ARMH3: variants seen among roughly 807,000 people sequenced by gnomAD.
ARMH3 encodes armadillo-like helical domain-containing protein 3.
A neutral mutation model predicts 99.1 loss-of-function variants in ARMH3; 60 were observed. The observed-to-expected ratio is 0.61, with a 90% CI of 0.49 to 0.75. The LOEUF (loss-of-function observed/expected upper bound fraction) is 0.75, where lower values mean the gene tolerates loss of function less well. Ranked by LOEUF, ARMH3 falls within the 30% of genes least tolerant of loss-of-function variation. The pLI is 0.00. For missense variants in ARMH3, 679 were observed against 843.1 expected (o/e 0.81, Z 2.41); for synonymous variants, 285 against 292.8 (o/e 0.97, Z 0.27).
chr10:102,030,434 C>T (rs892846529), intron 4 of ARMH3, among the ~76,000 whole-genome samples: 8 of 152,232 alleles, frequency 5.3e-5, no homozygotes, highest in East Asian at 1.9e-4. Context: ...TGGGGCCGGA[C>T]GCAGTGGCTC....
chr10:101,956,786 G>T, intron 21 of ARMH3, 63 bp from the exon 22 acceptor site: 3 of 1,556,482 alleles, frequency 1.9e-6, no homozygotes, highest in South Asian at 1.2e-5. Context: ...ATTATCAGTG[G>T]TATGCTGTAG....
At chr10:101,974,468 A>C (rs1460063597) in intron 20 of ARMH3, among the ~76,000 whole-genome samples, 1 of 152,220 alleles carries the variant, frequency 6.6e-6, no homozygotes, top group Non-Finnish European at 1.5e-5. Flanking sequence ...CACAGGACCT[A>C]GTAGCAAGCA....
At chr10:102,038,366 T>C (rs2067329745) in intron 2 of ARMH3, among the ~76,000 whole-genome samples, 1 of 152,112 alleles carries the variant, frequency 6.6e-6, no homozygotes, top group Admixed American at 6.6e-5. Flanking sequence ...AGTGCTGAGA[T>C]TACAGGCATG....
intron 24 of ARMH3, among the ~76,000 whole-genome samples, chr10:101,875,419 T>C (rs1252308084): frequency 6.6e-6 from 1 of 152,190 alleles, no homozygotes; most frequent in Admixed American, 6.5e-5. Flanking sequence ...ATCCAAAAGG[T>C]AGACACAAAT....
Position 102,002,011 on chromosome 10 carries a change from G to A in ARMH3, c.1110C>T (p.Thr370=), listed in dbSNP as rs1458295202. The change falls in exon 15 of 26, where the codon ACC becomes ACT. Residue 370 remains threonine, a synonymous_variant. Transcript: ENST00000370033. ...ADVQTSNLLI[T]FLKYSSIVMQ... is the part of the protein sequence containing the mutation. ...TGACAATTGAGCTATACTTTAAAAA[G>A]GTTATCAGTAGATTACTGGTCTGTA... 3 of 1,613,986 alleles carry A rather than the reference G, an allele frequency of 1.9e-6. No individual in the cohort carries two copies. In the African/African-American group the frequency reaches 4.0e-5, roughly 22 times the overall value.
chr10:101,871,818 T>C (rs761127439), intron 24 of ARMH3, among the ~76,000 whole-genome samples: 3 of 152,060 alleles, frequency 2.0e-5, no homozygotes, highest in Non-Finnish European at 4.4e-5. Context: ...CTGGTCAACA[T>C]GGTGAAACCC....
intron 25 of ARMH3, 148 bp from the exon 26 acceptor site, chr10:101,847,768 C>A: frequency 1.4e-6 from 1 of 704,286 alleles, no homozygotes; most frequent in East Asian, 2.7e-5. Flanking sequence ...GCTATTATCC[C>A]TGCAGGCAAA....
At chr10:101,992,522 G>A (rs938420155) in intron 17 of ARMH3, among the ~76,000 whole-genome samples, 4 of 148,722 alleles carry the variant, frequency 2.7e-5, no homozygotes, top group Non-Finnish European at 4.4e-5. Context: ...TTGAGACGGA[G>A]TCTCGCTCTG....
At chr10:101,938,724 G>C (rs1046145400) in intron 23 of ARMH3, among the ~76,000 whole-genome samples, 1 of 152,158 alleles carries the variant, frequency 6.6e-6, no homozygotes, top group Non-Finnish European at 1.5e-5. Flanking sequence ...CGCATTTATC[G>C]TAAGGCCTCA....
chr10:102,049,342 G>A (rs2067635382), intron 1 of ARMH3, among the ~76,000 whole-genome samples: 1 of 152,100 alleles, frequency 6.6e-6, no homozygotes, highest in African/African-American at 2.4e-5. Context: ...AGGAGTTCCA[G>A]ACCAGCCTGG....
At chr10:101,886,710 A>G (rs1319685501) in intron 24 of ARMH3, among the ~76,000 whole-genome samples, 5 of 152,198 alleles carry the variant, frequency 3.3e-5, no homozygotes, top group Non-Finnish European at 4.4e-5. Flanking sequence ...ACCACCTTGA[A>G]ATGCCTCAAA....
Position 101,963,491 on chromosome 10 carries a change from G to A in ARMH3, c.1496-5759C>T, listed in dbSNP as rs376860824. On this transcript the variant is annotated intron_variant, in intron 20 of 25. Transcript: ENST00000370033. Reference sequence around the variant, plus strand: ...TCACCATGTTGGCCAGGCTGGTCTCGAACTCTTGACCTCAGGTGATCCACC... The same window carrying A: ...TCACCATGTTGGCCAGGCTGGTCTCAAACTCTTGACCTCAGGTGATCCACC... Among the ~76,000 whole-genome samples the A allele has an allele frequency of 1.8e-3, 280 of 152,132 alleles. 1 individual carries two copies. Among genetic ancestry groups the A allele is most frequent in the African/African-American group, 6.4e-3 (264 of 41,512 alleles).
At chr10:102,010,903 A>C (rs2066616307) in intron 11 of ARMH3, among the ~76,000 whole-genome samples, 1 of 152,228 alleles carries the variant, frequency 6.6e-6, no homozygotes, top group African/African-American at 2.4e-5. Context: ...CAGGCTGAGA[A>C]GGCAGAAGGA....
intron 25 of ARMH3, among the ~76,000 whole-genome samples, chr10:101,848,233 CCTT>C (rs1267027100): frequency 6.6e-6 from 1 of 152,170 alleles, no homozygotes; most frequent in African/African-American, 2.4e-5. Flanking sequence ...GTCTAGCACT[CCTT>C]CTAAAGATGC....
chr10:101,911,768 G>A (rs1842877007), intron 23 of ARMH3, among the ~76,000 whole-genome samples: 1 of 152,198 alleles, frequency 6.6e-6, no homozygotes, highest in African/African-American at 2.4e-5. Context: ...CAGGCACAGT[G>A]GCTCACGCCT....
At chr10:101,854,608 G>A (rs1335409417) in intron 24 of ARMH3, among the ~76,000 whole-genome samples, 1 of 152,096 alleles carries the variant, frequency 6.6e-6, no homozygotes, top group Non-Finnish European at 1.5e-5. Flanking sequence ...AAACAAAGTG[G>A]GCAATGTTTG....
At chr10:102,042,928 C>T (rs1287594804) in intron 1 of ARMH3, among the ~76,000 whole-genome samples, 3 of 152,144 alleles carry the variant, frequency 2.0e-5, no homozygotes, top group Non-Finnish European at 4.4e-5. Context: ...CAAAATTAGC[C>T]AGGCATGATG....
intron 17 of ARMH3, among the ~76,000 whole-genome samples, chr10:101,992,349 C>T (rs2136012676): frequency 6.6e-6 from 1 of 152,060 alleles, no homozygotes; most frequent in Non-Finnish European, 1.5e-5. Context: ...AGTGGCATTA[C>T]TAACGACAAA....
chr10:101,912,257 G>C (rs1842898917), intron 23 of ARMH3, among the ~76,000 whole-genome samples: 1 of 151,996 alleles, frequency 6.6e-6, no homozygotes, highest in African/African-American at 2.4e-5. Flanking sequence ...GCCGGGTGTG[G>C]TGGTGGGCGC....
Sources: gnomAD v4.1 joint callset for allele counts (sites outside exome capture counted in the v4.1 genomes callset) on GRCh38, gnomAD v4.1.1 for gene constraint, MANE v1.5 for transcripts, NCBI Gene and HGNC (gene_info 2026-07-23, HGNC 2026-07-21) for gene names.